The following TPM1 variants were observed in gnomAD, a reference collection of about 807,000 sequenced individuals.
TPM1 encodes the protein tropomyosin alpha-1 chain.
A neutral mutation model predicts 42.9 loss-of-function variants in TPM1; 24 were observed. That is an observed-to-expected ratio of 0.56 (90% CI 0.41 to 0.79). TPM1 has a LOEUF of 0.79. Ranked by LOEUF, TPM1 falls within the 30% of genes least tolerant of loss-of-function variation. The probability of loss-of-function intolerance (pLI) is 0.00; values close to 1 mark genes in which losing one functional copy is unlikely to be tolerated. For synonymous variants in TPM1, 136 were observed against 130.1 expected (o/e 1.05, Z -0.31); for missense variants, 158 against 351.8 (o/e 0.45, Z 4.41).
intron 1 of TPM1, chr15:63,043,529 G>C: frequency 9.9e-7 from 1 of 1,013,738 alleles, no homozygotes; most frequent in South Asian, 1.4e-5. Flanking sequence ...GGGTGTGCGG[G>C]GTGAGCCGCG....
chr15:63,070,920 T>C (rs932461659), downstream of TPM1: 2 of 1,409,546 alleles, frequency 1.4e-6, no homozygotes, highest in Admixed American at 5.2e-5. Flanking sequence ...AAAGATGCCC[T>C]CCCCTCCGTC....
chr15:63,069,515 G>A (rs1308194307), downstream of TPM1, among the ~76,000 whole-genome samples: 1 of 152,182 alleles, frequency 6.6e-6, no homozygotes, highest in Non-Finnish European at 1.5e-5. Flanking sequence ...AGCCAGGCCT[G>A]CATTCCCAAA....
chr15:63,043,526 CG>C, intron 1 of TPM1: 3 of 985,556 alleles, frequency 3.0e-6, no homozygotes, highest in Non-Finnish European at 4.6e-6. Context: ...GGTGGGTGTG[CG>C]GGGTGAGCCG....
intron 2 of TPM1, among the ~76,000 whole-genome samples, chr15:63,051,581 T>A (rs546029110): frequency 6.6e-6 from 1 of 152,276 alleles, no homozygotes; most frequent in South Asian, 2.1e-4. Flanking sequence ...GGCAGAAGTT[T>A]AGCTTGGCTG....
At chr15:63,052,187 G>C (rs2034017535) in intron 2 of TPM1, among the ~76,000 whole-genome samples, 1 of 152,216 alleles carries the variant, frequency 6.6e-6, no homozygotes, top group Non-Finnish European at 1.5e-5. Context: ...ATCCCAGATT[G>C]AAAGACTTCA....
At position 63,042,844 on chromosome 15, in the gene TPM1, G is replaced by A. The variant is rs2140594119; in HGVS notation, c.15G>A (p.Lys5=). Residue 5 remains lysine (K), a synonymous_variant, in exon 1 of 10, where the codon AAG becomes AAA. Transcript: ENST00000403994. MDAI[K]KKMQMLKLDK... is the part of the protein sequence containing the mutation. ...CCGCCGCCACCATGGACGCCATCAA[G>A]AAGAAGATGCAGATGCTGAAGCTCG... is the stretch of plus-strand genomic sequence containing the variant. The A allele has an allele frequency of 1.2e-6, 2 of 1,613,204 alleles. No homozygotes were observed. The highest frequency in any genetic ancestry group is 1.7e-5 in the Admixed American group (1 of 59,986).
chr15:63,053,020 T>A (rs2034183221), intron 2 of TPM1, among the ~76,000 whole-genome samples: 2 of 152,170 alleles, frequency 1.3e-5, no homozygotes, highest in Non-Finnish European at 2.9e-5. Flanking sequence ...GTACCTCAGA[T>A]ACTACTCCTA....
intron 1 of TPM1, 101 bp downstream of exon 1, chr15:63,043,044 C>T: frequency 9.7e-7 from 1 of 1,031,972 alleles, no homozygotes; most frequent in Non-Finnish European, 1.5e-6. Context: ...GAGCCACCAC[C>T]CTACCCCCAC....
chr15:63,065,188 A>G, intron 9 of TPM1: 3 of 985,566 alleles, frequency 3.0e-6, no homozygotes, highest in Non-Finnish European at 3.6e-6. Flanking sequence ...TAGTCTTGTT[A>G]TCATGAGAAG....
intron 2 of TPM1, chr15:63,049,242 C>T (rs978896079): frequency 5.6e-6 from 1 of 177,150 alleles, no homozygotes; most frequent in Non-Finnish European, 1.2e-5. Flanking sequence ...GGTAGACAGA[C>T]ATTGACAGCT....
rs973076600 is a variant in TPM1, at chr15:63,048,516, C to T, written c.240+4364C>T. 3.4e-6 allele frequency: 5 copies of T among 1,489,932 alleles called. No homozygotes were observed. The African/African-American group carries it at 5.9e-5, about 17-fold the overall frequency. The allele number at this position is 1,489,932 out of a possible 1,614,324, so 92.3% of individuals were successfully genotyped here. On this transcript the variant is annotated intron_variant, in intron 2 of 9. Coordinates refer to ENST00000403994, the MANE Select transcript of TPM1 (RefSeq NM_001018005.2). Reference sequence around the variant, plus strand: ...CCAGGACAGCCGCGGCAGCCGGGTCCGCAGGGCAGCAGCCGGCCTCTCCCA... The same window carrying T: ...CCAGGACAGCCGCGGCAGCCGGGTCTGCAGGGCAGCAGCCGGCCTCTCCCA...
intron 1 of TPM1, chr15:63,043,816 A>G: frequency 6.5e-7 from 1 of 1,548,856 alleles, no homozygotes; most frequent in South Asian, 1.2e-5. Flanking sequence ...TGGCCGCCGA[A>G]GAGGCCGCCG....
chr15:63,043,275 G>A (rs184495538), intron 1 of TPM1: 98 of 515,242 alleles, frequency 1.9e-4, no homozygotes, highest in African/African-American at 1.7e-3. Context: ...AAGGAAGGGC[G>A]AGGGATGGAG....
intron 5 of TPM1, 185 bp downstream of exon 5, chr15:63,061,124 C>G (rs1402662390): frequency 2.6e-6 from 4 of 1,511,092 alleles, no homozygotes; most frequent in Non-Finnish European, 3.7e-6. Flanking sequence ...TGTATGAATG[C>G]GTGTATCACT....
At chr15:63,066,227 T>C (rs2036265173), downstream of TPM1, 1 of 1,266,710 alleles carries the variant, frequency 7.9e-7, no homozygotes, top group African/African-American at 1.5e-5. Context: ...TACTGAACAC[T>C]ATACAGAATT....
At chr15:63,064,243 T>G in intron 9 of TPM1, 101 bp downstream of exon 9, 2 of 1,550,800 alleles carry the variant, frequency 1.3e-6, no homozygotes, top group South Asian at 2.4e-5. Flanking sequence ...ATCTTTGCAC[T>G]CTTGTGTTCA....
downstream of TPM1, chr15:63,070,781 CT>C: frequency 8.3e-7 from 1 of 1,203,824 alleles, no homozygotes; most frequent in South Asian, 1.7e-5. Context: ...GTTTTTACCT[CT>C]CCCTGTTCCC....
chr15:63,065,497 AT>A (rs2036177257), intron 9 of TPM1: 2 of 985,308 alleles, frequency 2.0e-6, no homozygotes, highest in Non-Finnish European at 2.4e-6. Flanking sequence ...ACCAGAGAAA[AT>A]GTGTCTTCTC....
intron 8 of TPM1, chr15:63,063,385 A>G: frequency 2.0e-6 from 2 of 985,408 alleles, no homozygotes; most frequent in Non-Finnish European, 2.4e-6. Context: ...AAAGTGCAGC[A>G]AAGTATGAAA....
Sources: allele counts gnomAD v4.1 joint callset (sites outside exome capture counted in the v4.1 genomes callset), GRCh38; gene constraint gnomAD v4.1.1; transcripts MANE v1.5; gene names NCBI Gene and HGNC (gene_info 2026-07-23, HGNC 2026-07-21).